Variants in CEP76 observed in about 807,000 individuals in gnomAD.
The protein encoded by CEP76 is centrosomal protein 76, also known as centrosomal protein of 76 kDa.
A neutral mutation model predicts 83.3 loss-of-function variants in CEP76; 55 were observed. The ratio of observed to expected loss-of-function variants is 0.66; its 90% confidence interval spans 0.53 to 0.83. The LOEUF is 0.83. Ranked by LOEUF, CEP76 falls within the 40% of genes least tolerant of loss-of-function variation. The probability of loss-of-function intolerance (pLI) is 0.00; values close to 1 mark genes in which losing one functional copy is unlikely to be tolerated. For missense variants in CEP76, 694 were observed against 799.5 expected (o/e 0.87, Z 1.59); for synonymous variants, 270 against 274.5 (o/e 0.98, Z 0.16).
intron 7 of CEP76, 178 bp from the exon 8 acceptor site, chr18:12,686,628 G>A (rs539827178): frequency 1.8e-5 from 8 of 456,106 alleles, no homozygotes; most frequent in African/African-American, 1.0e-4. Context: ...CCTCATCTCC[G>A]TTATTTTCAT....
At chr18:12,692,852 T>A (rs2039817143) in intron 6 of CEP76, among the ~76,000 whole-genome samples, 1 of 152,228 alleles carries the variant, frequency 6.6e-6, no homozygotes, top group African/African-American at 2.4e-5. Context: ...AGACAGGGTC[T>A]TGCTCTGTCA....
Position 12,678,099 on chromosome 18 carries a change from T to A in CEP76, c.1623+10A>T. On this transcript the variant is annotated intron_variant, in intron 10 of 11. Transcript: ENST00000262127. The stretch of plus-strand genomic sequence containing the variant: ...AAGTATGAAACTACAACTATTTCAG[T>A]GTGAATTACCTTCCTGTGTTCTGAC... 1 of 1,593,970 alleles carries A rather than the reference T, an allele frequency of 6.3e-7. No homozygotes were observed.
chr18:12,684,576 G>A (rs1450788813), intron 8 of CEP76: 2 of 151,870 alleles, frequency 1.3e-5, no homozygotes, highest in African/African-American at 4.8e-5. Flanking sequence ...CACCTCCCAG[G>A]TTCAAGTGAT....
chr18:12,701,686 G>GA (rs1439881734), intron 1 of CEP76, among the ~76,000 whole-genome samples: 1 of 152,154 alleles, frequency 6.6e-6, no homozygotes, highest in Non-Finnish European at 1.5e-5. Context: ...GAGCGCTGCA[G>GA]AAACTGGAGG....
Position 12,674,701 on chromosome 18 carries a change from G to A in CEP76, c.1676C>T (p.Pro559Leu), listed in dbSNP as rs1339841446. 3 of 1,613,918 alleles carry A rather than the reference G, an allele frequency of 1.9e-6. No individual in the cohort carries two copies. The highest frequency in any genetic ancestry group is 2.5e-6 in the Non-Finnish European group (3 of 1,180,018). ...CTCAAATTCATAAGAAGCCAAAGCTGGTGATAAAAGGTAGGAGAGCTGGTC... is the reference window on the plus strand; with the variant it reads ...CTCAAATTCATAAGAAGCCAAAGCTAGTGATAAAAGGTAGGAGAGCTGGTC... ...WEDQLSYLLS[P>L]ALASYEFERT... Residue 559 changes from proline to leucine, a missense_variant, in exon 11 of 12, where the codon CCA (proline) becomes CTA (leucine). Transcript: ENST00000262127.
chr18:12,683,521 C>T (rs1253417341), intron 8 of CEP76, among the ~76,000 whole-genome samples: 4 of 151,982 alleles, frequency 2.6e-5, no homozygotes, highest in East Asian at 1.9e-4. Context: ...GAGGCAGAGG[C>T]GGGCAGATCA....
At chr18:12,687,087 GA>G (rs2039564981) in intron 7 of CEP76, among the ~76,000 whole-genome samples, 1 of 152,124 alleles carries the variant, frequency 6.6e-6, no homozygotes, top group Non-Finnish European at 1.5e-5. Context: ...CTACCACTGT[GA>G]TTTTACAGTG....
chr18:12,699,266 C>A, intron 3 of CEP76, 63 bp from the exon 4 acceptor site: 1 of 1,157,134 alleles, frequency 8.6e-7, no homozygotes, highest in Non-Finnish European at 1.2e-6. Flanking sequence ...GTGATCAAGA[C>A]ATTAGGAAAT....
rs542435519 is a variant in CEP76, at chr18:12,683,911, A to ATATT, written c.1122+2350_1122+2351insAATA. On this transcript the variant is annotated intron_variant, in intron 8 of 11. Transcript: ENST00000262127. ...CAGAAAAAATATAAAAAGAAATAATAAACTAGGAATAGAATTATAGGTAAA... is the reference window on the plus strand; with the variant it reads ...CAGAAAAAATATAAAAAGAAATAATATATTAACTAGGAATAGAATTATAGGTAAA... Among the ~76,000 whole-genome samples, 73 of 151,882 alleles carry ATATT rather than the reference A, an allele frequency of 4.8e-4. 1 individual carries two copies. The East Asian group carries it at 0.011, about 23-fold the overall frequency.
At chr18:12,663,249 C>T (rs1373157684) in intron 12 of CEP76, among the ~76,000 whole-genome samples, 5 of 152,106 alleles carry the variant, frequency 3.3e-5, no homozygotes, top group African/African-American at 9.7e-5. Context: ...TCCTTAATTC[C>T]AGTGGGAAAT....
chr18:12,679,347 G>T (rs2039264999), intron 9 of CEP76: 1 of 152,260 alleles, frequency 6.6e-6, no homozygotes, highest in African/African-American at 2.4e-5. Context: ...GGAGGAGCTT[G>T]GCCCCTCCTC....
At chr18:12,688,852 C>T (rs779611733) in intron 7 of CEP76, among the ~76,000 whole-genome samples, 64 of 152,270 alleles carry the variant, frequency 4.2e-4, no homozygotes, top group Non-Finnish European at 7.5e-4. Context: ...TGGTGGCTCA[C>T]GCCTATGATC....
chr18:12,679,664 C>A (rs1465710185), intron 9 of CEP76, among the ~76,000 whole-genome samples: 2 of 152,070 alleles, frequency 1.3e-5, no homozygotes, highest in African/African-American at 4.8e-5. Context: ...AAAAATGTGT[C>A]CAGTGGATTT....
At chr18:12,680,949 A>G (rs2039325160) in intron 8 of CEP76, 121 bp from the exon 9 acceptor site, 1 of 915,382 alleles carries the variant, frequency 1.1e-6, no homozygotes, top group South Asian at 2.0e-5. Flanking sequence ...CTGTAATCCC[A>G]ACACTTTGGG....
At chr18:12,666,017 T>C (rs2038795851) in intron 12 of CEP76, among the ~76,000 whole-genome samples, 1 of 152,082 alleles carries the variant, frequency 6.6e-6, no homozygotes, top group Non-Finnish European at 1.5e-5. Context: ...TTTAATTGTA[T>C]CAAAATTGTT....
Position 12,686,091 on chromosome 18 carries a change from C to T in CEP76, c.1122+171G>A, listed in dbSNP as rs141271501. On this transcript the variant is annotated intron_variant, in intron 8 of 11. Transcript: ENST00000262127. ...TATTTTTTATTATTGTAATTTTTTA[C>T]TTTTGTAAGTATTTTTGATCTGCAG... The T allele has an allele frequency of 1.2e-3, 597 of 479,854 alleles. 1 individual carries two copies. Among genetic ancestry groups the T allele is most frequent in the African/African-American group, 0.011 (533 of 50,728 alleles). 29.7% of individuals were successfully genotyped at this position (479,854 alleles called of 1,614,324 possible). A position where few individuals can be genotyped will look rare whatever the true frequency, so the allele number is the denominator to read the frequency against.
chr18:12,672,514 A>T (rs571332554), downstream of CEP76: 8 of 239,444 alleles, frequency 3.3e-5, no homozygotes, highest in Admixed American at 6.5e-5. Flanking sequence ...TCAATCTCTT[A>T]TTTAGATTAG....
chr18:12,672,191 T>C (rs1468181120), downstream of CEP76, among the ~76,000 whole-genome samples: 1 of 141,886 alleles, frequency 7.0e-6, no homozygotes, highest in African/African-American at 2.6e-5. Context: ...CTCACCTCAC[T>C]GCAACCTCTG....
At chr18:12,674,073 T>C (rs142910173) in intron 11 of CEP76, among the ~76,000 whole-genome samples, 10 of 152,046 alleles carry the variant, frequency 6.6e-5, no homozygotes, top group African/African-American at 2.4e-4. Flanking sequence ...ACCAAATGAA[T>C]CAAAATCTGT....
Sources: gnomAD v4.1 joint callset for allele counts (sites outside exome capture counted in the v4.1 genomes callset) on GRCh38, gnomAD v4.1.1 for gene constraint, MANE v1.5 for transcripts, NCBI Gene and HGNC (gene_info 2026-07-23, HGNC 2026-07-21) for gene names.